The following SLC4A9 variants were observed in gnomAD, a reference collection of about 807,000 sequenced individuals.
SLC4A9 encodes solute carrier family 4 member 9.
A neutral mutation model predicts 103.2 loss-of-function variants in SLC4A9; 102 were observed. That is an observed-to-expected ratio of 0.99 (90% CI 0.84 to 1.17). SLC4A9 has a LOEUF of 1.17. SLC4A9 is among the 50% of genes most tolerant of loss of function. The pLI, the probability that SLC4A9 is intolerant of heterozygous loss-of-function variation, is 0.00. For synonymous variants in SLC4A9, 453 were observed against 483.6 expected (o/e 0.94, Z 0.83); for missense variants, 1,091 against 1,193.7 (o/e 0.91, Z 1.27).
At chr5:140,367,204 A>G (rs956010279) in intron 14 of SLC4A9, among the ~76,000 whole-genome samples, 1 of 152,188 alleles carries the variant, frequency 6.6e-6, no homozygotes, top group African/African-American at 2.4e-5. Context: ...CAAAGTCCAG[A>G]GCCCCTGGTT....
In SLC4A9 at chr5:140,363,170, A is replaced by ATC; in HGVS notation, c.962+106_962+107dup. ...TGTCCCAGGAAAGAGATAGGGACCT[A>ATC]TCTTTGGATTTGGAGTCAGGCAGAC... is the stretch of plus-strand genomic sequence containing the variant. On this transcript the variant is annotated intron_variant, in intron 7 of 21. Transcript: ENST00000506757. The surrounding 1 kb of genome is among the most constrained non-coding windows in gnomAD (Gnocchi z 4.5). 1 of 1,440,898 alleles carries ATC rather than the reference A, an allele frequency of 6.9e-7. No individual in the cohort carries two copies. The highest frequency in any genetic ancestry group is 9.4e-7 in the Non-Finnish European group (1 of 1,067,756). The allele number at this position is 1,440,898 out of a possible 1,614,324, so 89.3% of individuals were successfully genotyped here.
rs967589108 is a variant in SLC4A9, at chr5:140,372,828, C to T, written c.*30C>T. On this transcript the variant is annotated 3_prime_UTR_variant, in exon 21 of 22. Coordinates refer to ENST00000506757, the MANE Select transcript of SLC4A9 (RefSeq NM_031467.3). ...AGTAGGAGTCTGGGAGTGGAGACCC[C>T]AGGAAACAGCATGAGGTGAGGGTGT... 11 of 1,529,158 alleles carry T rather than the reference C, an allele frequency of 7.2e-6. No individual in the cohort carries two copies. Among genetic ancestry groups the T allele is most frequent in the Non-Finnish European group, 9.7e-6 (11 of 1,133,894 alleles). The allele number at this position is 1,529,158 out of a possible 1,614,324, so 94.7% of individuals were successfully genotyped here.
rs773623912 is a variant in SLC4A9, at chr5:140,364,350, C to T, written c.1389-13C>T. 1.2e-6 allele frequency: 2 copies of T among 1,611,890 alleles called. No homozygotes were observed. Among genetic ancestry groups the T allele is most frequent in the Non-Finnish European group, 1.7e-6 (2 of 1,179,420 alleles). ...CCCTGCTAAGCCAGCCTTCCTGTCT[C>T]TCATCCCCACAGAGATTACAGCCTG... On this transcript the variant is annotated splice_polypyrimidine_tract_variant and intron_variant, in intron 10 of 21. Transcript: ENST00000506757.
chr5:140,361,048 A>AG, intron 2 of SLC4A9, 76 bp downstream of exon 2: 1 of 1,396,622 alleles, frequency 7.2e-7, no homozygotes, highest in Non-Finnish European at 9.6e-7. Context: ...AAAGTCTTGA[A>AG]ATCTTCCAGA....
rs1349458942 is a variant in SLC4A9, at chr5:140,361,797, C to T, written c.506-11C>T. Reference sequence around the variant, plus strand: ...CTGTGGTCTTAATCACTGCATAATCCTGTTTTGTAGGCTCTACTCATCCAA... The same window carrying T: ...CTGTGGTCTTAATCACTGCATAATCTTGTTTTGTAGGCTCTACTCATCCAA... On this transcript the variant is annotated splice_polypyrimidine_tract_variant and intron_variant, in intron 3 of 21. Coordinates refer to ENST00000506757, the MANE Select transcript of SLC4A9 (RefSeq NM_031467.3). The T allele has an allele frequency of 1.2e-6, 2 of 1,613,942 alleles. No individual in the cohort carries two copies. The highest frequency in any genetic ancestry group is 1.1e-5 in the South Asian group (1 of 91,082).
At chr5:140,362,572 G>T (rs756050563) in intron 6 of SLC4A9, 40 bp downstream of exon 6, 8 of 1,576,298 alleles carry the variant, frequency 5.1e-6, no homozygotes, top group Non-Finnish European at 7.0e-6. Flanking sequence ...GCGCACGCGT[G>T]CATGCCTGTG....
chr5:140,360,941 C>A lies in SLC4A9; in HGVS notation c.360C>A (p.Asp120Glu), dbSNP rs768350214. ...SLLAEGLVLLDCPAQSLLELV... is the reference protein window; with the variant it reads ...SLLAEGLVLLECPAQSLLELV... ...TGGCCGAGGGCCTTGTACTGCTGGA[C>A]TGCCCAGCTCAGAGCCTCCTGGAGC... The change falls in exon 2 of 22, where the codon GAC becomes GAA. Residue 120 changes from aspartate to glutamate, a missense_variant. Asp to Glu is a conservative substitution (Grantham distance 45). Transcript: ENST00000506757. 14 of 1,595,824 alleles carry A rather than the reference C, an allele frequency of 8.8e-6. No individual in the cohort carries two copies. In the Admixed American group the frequency reaches 2.3e-4, roughly 26 times the overall value.
chr5:140,363,129 T>A lies in SLC4A9; in HGVS notation c.962+63T>A, dbSNP rs1767354653. 1.3e-5 allele frequency: 20 copies of A among 1,569,832 alleles called. No homozygotes were observed. Among genetic ancestry groups the A allele is most frequent in the Non-Finnish European group, 1.6e-5 (19 of 1,163,416 alleles). ...ATATAGGCCCTGGGTCTAATTCCAT[T>A]GTTGAGGAGGGGTGGTGTCCCAGGA... On this transcript the variant is annotated intron_variant, in intron 7 of 21. Coordinates refer to ENST00000506757, the MANE Select transcript of SLC4A9 (RefSeq NM_031467.3). The surrounding 1 kb of genome is among the most constrained non-coding windows in gnomAD (Gnocchi z 4.5).
At chr5:140,364,027 C>T (rs1487771705) in intron 9 of SLC4A9, 27 bp from the exon 10 acceptor site, 3 of 1,524,484 alleles carry the variant, frequency 2.0e-6, no homozygotes, top group African/African-American at 1.4e-5. Flanking sequence ...CTTCAGGGTC[C>T]TGTGCTGAGC....
rs750642032 is a variant in SLC4A9, at chr5:140,365,570, G to A, written c.1702G>A (p.Val568Ile). ...AAGGCCAAAAGACAGAGACGACATT[G>A]TAAGCATGGTGAGGGACTGCTCCTG... The part of the protein sequence containing the change: ...RTRPKDRDDI[V>I]SMDLGLINAS... Residue 568 changes from valine to isoleucine, a missense_variant, in exon 12 of 22, where the codon GTA becomes ATA. Val to Ile is a conservative substitution (Grantham distance 29). Coordinates refer to ENST00000506757, the MANE Select transcript of SLC4A9 (RefSeq NM_031467.3). 43 of 1,611,334 alleles carry A rather than the reference G, an allele frequency of 2.7e-5. No individual in the cohort carries two copies. In the South Asian group the frequency reaches 3.8e-4, roughly 14 times the overall value.
chr5:140,368,786 C>A lies in SLC4A9; in HGVS notation c.2427+127C>A, dbSNP rs1256529885. 1.6e-5 allele frequency: 11 copies of A among 680,624 alleles called. No individual in the cohort carries two copies. The African/African-American group carries it at 1.6e-4, about 10-fold the overall frequency. The allele number at this position is 680,624 out of a possible 1,614,324, so 42.2% of individuals were successfully genotyped here. Reference sequence around the variant, plus strand: ...GTTAAGTTTTCTCCATACATGGTCTCATTTAATCCTCACATTAACCCTGAA... The same window carrying A: ...GTTAAGTTTTCTCCATACATGGTCTAATTTAATCCTCACATTAACCCTGAA... On this transcript the variant is annotated intron_variant, in intron 17 of 21. Transcript: ENST00000506757.
chr5:140,366,348 C>T, intron 14 of SLC4A9, 84 bp downstream of exon 14: 1 of 916,958 alleles, frequency 1.1e-6, no homozygotes, highest in Non-Finnish European at 1.7e-6. Flanking sequence ...ATAAATCCCA[C>T]ACTTCTCTAA....
chr5:140,370,444 G>A (rs1700529732), intron 17 of SLC4A9, among the ~76,000 whole-genome samples: 1 of 150,536 alleles, frequency 6.6e-6, no homozygotes, highest in Non-Finnish European at 1.5e-5. Context: ...CAGTCTGGGT[G>A]GAAGAACGAA....
At chr5:140,361,410 G>A (rs1473161096) in intron 3 of SLC4A9, 43 bp downstream of exon 3, 1 of 1,471,808 alleles carries the variant, frequency 6.8e-7, no homozygotes, top group Non-Finnish European at 9.3e-7. Flanking sequence ...CCCTGGTGTG[G>A]CAGGGTCTCA....
Position 140,368,645 on chromosome 5 carries a change from G to A in SLC4A9, c.2413G>A (p.Ala805Thr). 1.2e-6 allele frequency: 2 copies of A among 1,613,396 alleles called. No homozygotes were observed. The highest frequency in any genetic ancestry group is 1.7e-6 in the Non-Finnish European group (2 of 1,179,660). ...CCTTACAGGAGCCTCCATCTTCCTGGCACCTGTGCTCAAGGTACCTTTGTT... is the reference window on the plus strand; with the variant it reads ...CCTTACAGGAGCCTCCATCTTCCTGACACCTGTGCTCAAGGTACCTTTGTT... The part of the protein sequence containing the change: ...FILTGASIFL[A>T]PVLKFIPMPV... Residue 805 changes from alanine (A) to threonine (T), a missense_variant, in exon 17 of 22, where the codon GCA becomes ACA. Transcript: ENST00000506757.
intron 17 of SLC4A9, among the ~76,000 whole-genome samples, chr5:140,369,883 T>A (rs1768446781): frequency 6.6e-6 from 1 of 151,792 alleles, no homozygotes; most frequent in Admixed American, 6.6e-5. Flanking sequence ...GCACCTGTAG[T>A]CTCAGCTACT....
chr5:140,369,192 G>A (rs952972009), intron 17 of SLC4A9, among the ~76,000 whole-genome samples: 2 of 151,938 alleles, frequency 1.3e-5, no homozygotes, highest in African/African-American at 4.8e-5. Flanking sequence ...GCATGGTGGT[G>A]TGTGCCTAAG....
At position 140,364,422 on chromosome 5, in the gene SLC4A9, T is replaced by C. The variant is rs1767586579; in HGVS notation, c.1448T>C (p.Phe483Ser). ...TGGGTGGGCATCTGGGTGGCTACCT[T>C]TTGCCTGGTGCTGGTGGCCACAGAG... ...RLWVGIWVAT[F>S]CLVLVATEAS... Residue 483 changes from phenylalanine to serine, a missense_variant, in exon 11 of 22, where the codon TTT becomes TCT. By Grantham distance (155) the Phe-to-Ser change is radical. Transcript: ENST00000506757. 6.2e-7 allele frequency: 1 copy of C among 1,613,626 alleles called. No homozygotes were observed. Among genetic ancestry groups the C allele is most frequent in the Non-Finnish European group, 8.5e-7 (1 of 1,179,822 alleles).
intron 5 of SLC4A9, 114 bp from the exon 6 acceptor site, chr5:140,362,331 G>C: frequency 8.0e-7 from 1 of 1,242,520 alleles, no homozygotes; most frequent in East Asian, 2.4e-5. Context: ...TGCATGGTAG[G>C]TGTGCAAATG....
Sources: allele counts gnomAD v4.1 joint callset (sites outside exome capture counted in the v4.1 genomes callset), GRCh38; gene constraint gnomAD v4.1.1; non-coding constraint Gnocchi (gnomAD v3.1); transcripts MANE v1.5; gene names NCBI Gene and HGNC (gene_info 2026-07-23, HGNC 2026-07-21).